The following SCMH1 variants were observed in gnomAD, a reference collection of about 807,000 sequenced individuals.
SCMH1 encodes the protein polycomb protein SCMH1.
SCMH1 carries 37 observed loss-of-function variants against 70.8 expected under a neutral mutation model. The ratio of observed to expected loss-of-function variants is 0.52; its 90% CI spans 0.40 to 0.69. SCMH1 has a LOEUF of 0.69. Ranked by LOEUF, SCMH1 falls within the 30% of genes least tolerant of loss-of-function variation. SCMH1 has a pLI of 0.00. For synonymous variants in SCMH1, 292 were observed against 307.4 expected (o/e 0.95, Z 0.52); for missense variants, 607 against 827.3 (o/e 0.73, Z 3.27).
chr1:41,179,670 G>A (rs908082421), intron 2 of SCMH1, among the ~76,000 whole-genome samples: 2 of 152,168 alleles, frequency 1.3e-5, no homozygotes, highest in East Asian at 3.8e-4. Flanking sequence ...CCAGGAAGAA[G>A]TTGAATCTCT....
intron 4 of SCMH1, among the ~76,000 whole-genome samples, chr1:41,155,403 T>C (rs1040617454): frequency 6.6e-6 from 1 of 152,084 alleles, no homozygotes; most frequent in Non-Finnish European, 1.5e-5. Context: ...AGCCAAAGTT[T>C]GCCCACATGG....
Position 41,113,152 on chromosome 1 carries a change from T to G in SCMH1, c.745+131A>C, listed in dbSNP as rs1669637513. 3 of 1,210,080 alleles carry G rather than the reference T, an allele frequency of 2.5e-6. No individual in the cohort carries two copies. The highest frequency in any genetic ancestry group is 3.4e-6 in the Non-Finnish European group (3 of 875,138). The allele number at this position is 1,210,080 out of a possible 1,614,324, so 75.0% of individuals were successfully genotyped here. ...TCCCTGGTAGACCTGGGTTTTTACC[T>G]AAGCTGCTGGCCCTTGCTCCTCCCC... On this transcript the variant is annotated intron_variant, in intron 8 of 14. Transcript: ENST00000337495. This position sits in a 1 kb window ranked among gnomAD's most constrained non-coding sequence, Gnocchi z 4.3.
chr1:41,117,115 A>G, intron 6 of SCMH1, 105 bp from the exon 7 acceptor site: 1 of 646,654 alleles, frequency 1.5e-6, no homozygotes, highest in Admixed American at 3.3e-5. Context: ...CGAGGGCACG[A>G]GCTCTTCCAG....
chr1:41,059,388 A>C (rs1651760507), intron 10 of SCMH1, among the ~76,000 whole-genome samples: 2 of 152,158 alleles, frequency 1.3e-5, no homozygotes, highest in Admixed American at 1.3e-4. Flanking sequence ...GGCACAGCAG[A>C]GAAGGAGGGA....
intron 12 of SCMH1, among the ~76,000 whole-genome samples, chr1:41,040,366 T>C (rs1443136062): frequency 6.6e-6 from 1 of 152,054 alleles, no homozygotes; most frequent in Non-Finnish European, 1.5e-5. Flanking sequence ...CAGTGGAGGA[T>C]GATCAGAGTG....
intron 1 of SCMH1, among the ~76,000 whole-genome samples, chr1:41,209,498 C>T (rs937346948): frequency 4.6e-5 from 7 of 152,236 alleles, no homozygotes; most frequent in Non-Finnish European, 7.3e-5. Context: ...CTCAGCAGCA[C>T]ATCGAAAAGC....
chr1:41,155,763 C>T (rs1290177294), intron 4 of SCMH1, among the ~76,000 whole-genome samples: 1 of 151,962 alleles, frequency 6.6e-6, no homozygotes, highest in Non-Finnish European at 1.5e-5. Context: ...GGGCAGATCA[C>T]CTGAGGTCAG....
intron 10 of SCMH1, among the ~76,000 whole-genome samples, chr1:41,055,621 C>T (rs557255210): frequency 1.3e-4 from 20 of 152,360 alleles, no homozygotes; most frequent in Admixed American, 3.9e-4. Flanking sequence ...CGTGAGCCAC[C>T]GCGCCCGGCC....
chr1:41,234,364 C>G (rs1375421048), intron 1 of SCMH1, among the ~76,000 whole-genome samples: 1 of 151,030 alleles, frequency 6.6e-6, no homozygotes, highest in African/African-American at 2.4e-5. Context: ...ACCTGTAATC[C>G]TAGCTACTTG....
intron 2 of SCMH1, among the ~76,000 whole-genome samples, chr1:41,179,232 A>G (rs1048364966): frequency 6.6e-6 from 1 of 152,206 alleles, no homozygotes; most frequent in Non-Finnish European, 1.5e-5. Flanking sequence ...ACACATTCAA[A>G]GCAGTGTGTA....
chr1:41,128,271 T>A (rs1673717470), intron 6 of SCMH1, among the ~76,000 whole-genome samples: 1 of 152,228 alleles, frequency 6.6e-6, no homozygotes, highest in Non-Finnish European at 1.5e-5. Flanking sequence ...CTCATTGCTT[T>A]GCAGAGATCC....
chr1:41,099,927 G>A (rs1666116510), intron 8 of SCMH1, among the ~76,000 whole-genome samples: 1 of 152,012 alleles, frequency 6.6e-6, no homozygotes, highest in Non-Finnish European at 1.5e-5. Flanking sequence ...CATTAGAAAA[G>A]GTGATTAGTT....
chr1:41,228,975 C>T (rs1421584681), intron 1 of SCMH1, among the ~76,000 whole-genome samples: 1 of 152,112 alleles, frequency 6.6e-6, no homozygotes, highest in Admixed American at 6.5e-5. Flanking sequence ...GTGGGTGGAT[C>T]ACCTGAGGTC....
At chr1:41,178,071 A>G (rs1647503285) in intron 2 of SCMH1, among the ~76,000 whole-genome samples, 4 of 152,212 alleles carry the variant, frequency 2.6e-5, no homozygotes, top group South Asian at 4.1e-4. Context: ...AGAAGAGAGC[A>G]GGGACCAATA....
intron 6 of SCMH1, among the ~76,000 whole-genome samples, chr1:41,124,192 A>G (rs1419793706): frequency 6.6e-6 from 1 of 152,184 alleles, no homozygotes; most frequent in East Asian, 1.9e-4. Flanking sequence ...TCATCTACAT[A>G]TATTAATGCT....
intron 2 of SCMH1, among the ~76,000 whole-genome samples, chr1:41,179,808 C>A (rs1347265473): frequency 6.6e-6 from 1 of 152,208 alleles, no homozygotes; most frequent in South Asian, 2.1e-4. Flanking sequence ...GGTACCATTC[C>A]TTCTGAAACT....
At chr1:41,122,365 G>C (rs561141271) in intron 6 of SCMH1, among the ~76,000 whole-genome samples, 1 of 152,218 alleles carries the variant, frequency 6.6e-6, no homozygotes, top group Admixed American at 6.5e-5. Context: ...CACTTCCTCA[G>C]AAAGGTGTTC....
intron 2 of SCMH1, among the ~76,000 whole-genome samples, chr1:41,163,697 A>C (rs1646225083): frequency 6.6e-6 from 1 of 152,182 alleles, no homozygotes; most frequent in Non-Finnish European, 1.5e-5. Flanking sequence ...CTTGCCAATC[A>C]ATGCCTTGAT....
At position 41,113,360 on chromosome 1, in the gene SCMH1, C is replaced by T. The variant is rs373257448; in HGVS notation, c.668G>A (p.Arg223His). 52 of 1,613,866 alleles carry T rather than the reference C, an allele frequency of 3.2e-5. No homozygotes were observed. Among genetic ancestry groups the T allele is most frequent in the Non-Finnish European group, 4.1e-5 (48 of 1,179,964 alleles). The change falls in exon 8 of 15, where the codon CGC (arginine) becomes CAC (histidine). Residue 223 changes from arginine (R) to histidine (H), a missense_variant. By Grantham distance (29) the Arg-to-His change is conservative. Transcript: ENST00000337495. The surrounding 1 kb of genome is among the most constrained non-coding windows in gnomAD (Gnocchi z 4.3). Reference sequence around the variant, plus strand: ...AGGGAAGATGTCTCGGGAGTCGAAGCGGCACCAGTAGTCAAAGGCCCCTCG... The same window carrying T: ...AGGGAAGATGTCTCGGGAGTCGAAGTGGCACCAGTAGTCAAAGGCCCCTCG...
Sources: gnomAD v4.1 joint callset for allele counts (sites outside exome capture counted in the v4.1 genomes callset) on GRCh38, gnomAD v4.1.1 for gene constraint, Gnocchi (gnomAD v3.1) non-coding constraint, MANE v1.5 for transcripts, NCBI Gene and HGNC (gene_info 2026-07-23, HGNC 2026-07-21) for gene names.